Variants in WDR70 observed in about 807,000 individuals in gnomAD.
WDR70 encodes the protein WD repeat domain 70, also known as WD repeat-containing protein 70.
WDR70 carries 53 observed loss-of-function variants against 88.6 expected under a neutral mutation model. The observed-to-expected ratio is 0.60, with a 90% confidence interval of 0.48 to 0.75. WDR70 has a LOEUF of 0.75. Ranked by LOEUF, WDR70 falls within the 30% of genes least tolerant of loss-of-function variation. The pLI, the probability that WDR70 is intolerant of heterozygous loss-of-function variation, is 0.00. For missense variants in WDR70, 610 were observed against 823.2 expected, an observed-to-expected ratio of 0.74 and a Z score of 3.17; for synonymous variants, 280 against 270.0, an observed-to-expected ratio of 1.04 and a Z score of -0.36.
At chr5:37,633,808 A>G (rs1744884220) in intron 10 of WDR70, among the ~76,000 whole-genome samples, 1 of 152,138 alleles carries the variant, frequency 6.6e-6, no homozygotes, top group African/African-American at 2.4e-5. Context: ...CCAAAAACAA[A>G]GCATTCCCTA....
intron 13 of WDR70, among the ~76,000 whole-genome samples, chr5:37,708,890 T>G (rs1338331502): frequency 1.3e-5 from 2 of 152,238 alleles, no homozygotes; most frequent in African/African-American, 4.8e-5. Flanking sequence ...TGTGAAAGTT[T>G]GATTCTGAAG....
intron 10 of WDR70, among the ~76,000 whole-genome samples, chr5:37,693,201 C>T (rs559321926): frequency 1.3e-5 from 2 of 151,998 alleles, no homozygotes; most frequent in African/African-American, 4.8e-5. Flanking sequence ...CACTGCTCAA[C>T]AAAATAAAAG....
intron 7 of WDR70, among the ~76,000 whole-genome samples, chr5:37,443,867 G>A (rs1485952857): frequency 3.3e-5 from 5 of 150,362 alleles, no homozygotes; most frequent in African/African-American, 1.2e-4. Context: ...AATTACAAAA[G>A]GCTAGGCACA....
intron 9 of WDR70, among the ~76,000 whole-genome samples, chr5:37,566,489 G>C (rs1408298974): frequency 6.6e-6 from 1 of 151,548 alleles, no homozygotes; most frequent in Admixed American, 6.6e-5. Context: ...TTTTTTCTTT[G>C]CTTAGAATAC....
chr5:37,621,546 A>T (rs1455396946), intron 10 of WDR70, among the ~76,000 whole-genome samples: 3 of 152,134 alleles, frequency 2.0e-5, no homozygotes, highest in African/African-American at 7.2e-5. Flanking sequence ...GTGTCTGTTC[A>T]TATGCTTTGC....
chr5:37,702,430 C>T (rs1344961711), intron 12 of WDR70, among the ~76,000 whole-genome samples: 1 of 152,186 alleles, frequency 6.6e-6, no homozygotes, highest in Non-Finnish European at 1.5e-5. Flanking sequence ...AATTAGGTTC[C>T]AGCAATGCAA....
chr5:37,739,835 C>T (rs1324838536), intron 17 of WDR70, among the ~76,000 whole-genome samples: 1 of 152,114 alleles, frequency 6.6e-6, no homozygotes, highest in South Asian at 2.1e-4. Context: ...TGATGTTCCC[C>T]TCCCTGTGTC....
At chr5:37,635,405 A>T (rs1744932370) in intron 10 of WDR70, among the ~76,000 whole-genome samples, 1 of 152,150 alleles carries the variant, frequency 6.6e-6, no homozygotes, top group African/African-American at 2.4e-5. Context: ...TCCTTGCCTC[A>T]GTTTTCTGTT....
At chr5:37,500,603 T>C (rs1192869443) in intron 8 of WDR70, among the ~76,000 whole-genome samples, 1 of 152,150 alleles carries the variant, frequency 6.6e-6, no homozygotes. Context: ...TATTGTTTTT[T>C]CACTTTTTAA....
intron 9 of WDR70, among the ~76,000 whole-genome samples, chr5:37,544,053 G>C (rs1170978536): frequency 6.6e-6 from 1 of 152,200 alleles, no homozygotes; most frequent in African/African-American, 2.4e-5. Context: ...GATTACAGGA[G>C]TGAGCCACCA....
intron 10 of WDR70, among the ~76,000 whole-genome samples, chr5:37,653,804 AT>A (rs1290502932): frequency 6.6e-6 from 1 of 151,804 alleles, no homozygotes; most frequent in Non-Finnish European, 1.5e-5. Context: ...ATCATTTTTT[AT>A]TGCATCTATT....
At chr5:37,738,208 G>A (rs1477131860) in intron 17 of WDR70, among the ~76,000 whole-genome samples, 2 of 152,174 alleles carry the variant, frequency 1.3e-5, no homozygotes, top group Non-Finnish European at 2.9e-5. Flanking sequence ...GTTAACAAGT[G>A]TGTCAGATTG....
intron 9 of WDR70, among the ~76,000 whole-genome samples, chr5:37,544,017 C>T (rs1221647895): frequency 6.6e-6 from 1 of 152,168 alleles, no homozygotes; most frequent in African/African-American, 2.4e-5. Flanking sequence ...AGGGATCCAC[C>T]TGCCTCAGCC....
At chr5:37,424,148 CAAAAAAAAAAAA>C (rs11304949) in intron 5 of WDR70, among the ~76,000 whole-genome samples, 4 of 55,492 alleles carry the variant, frequency 7.2e-5, no homozygotes, top group African/African-American at 3.2e-4. Flanking sequence ...GACTCCATCT[CAAAAAAAAAAAA>C]AAAAAAAAAA....
At chr5:37,507,510 C>G (rs1456609032) in intron 8 of WDR70, among the ~76,000 whole-genome samples, 3 of 152,158 alleles carry the variant, frequency 2.0e-5, no homozygotes, top group Admixed American at 2.0e-4. Context: ...ATCTTCCCCC[C>G]TCCCCTGCAC....
chr5:37,659,811 A>G (rs1745655229), intron 10 of WDR70, among the ~76,000 whole-genome samples: 1 of 152,196 alleles, frequency 6.6e-6, no homozygotes, highest in Non-Finnish European at 1.5e-5. Context: ...ATTCCATCAT[A>G]GCGGCCCATC....
chr5:37,488,119 A>C (rs1339398437), intron 8 of WDR70, among the ~76,000 whole-genome samples: 1 of 118,226 alleles, frequency 8.5e-6, no homozygotes, highest in Non-Finnish European at 1.7e-5. Context: ...TGACAATATC[A>C]TTTCATTCTC....
intron 7 of WDR70, among the ~76,000 whole-genome samples, chr5:37,447,474 A>G (rs1463529540): frequency 6.6e-6 from 1 of 152,230 alleles, no homozygotes; most frequent in East Asian, 1.9e-4. Flanking sequence ...GCTGCCAAAA[A>G]GACAAATGCA....
chr5:37,445,943 A>G (rs1047177528), intron 7 of WDR70, among the ~76,000 whole-genome samples: 12 of 152,196 alleles, frequency 7.9e-5, no homozygotes, highest in South Asian at 4.1e-4. Context: ...TGGCCAGGCA[A>G]TCAGGCAGGA....
Sources: allele counts gnomAD v4.1 joint callset (sites outside exome capture counted in the v4.1 genomes callset), GRCh38; gene constraint gnomAD v4.1.1; transcripts MANE v1.5; gene names NCBI Gene and HGNC (gene_info 2026-07-23, HGNC 2026-07-21).